The following ZFYVE1 variants were observed in gnomAD, a reference collection of about 807,000 sequenced individuals.
ZFYVE1 encodes the protein zinc finger FYVE domain-containing protein 1.
ZFYVE1 carries 30 observed loss-of-function variants against 74.4 expected under a neutral mutation model. The observed-to-expected ratio is 0.40, with a 90% CI of 0.30 to 0.55. The LOEUF (loss-of-function observed/expected upper bound fraction) is 0.55. Ranked by LOEUF, ZFYVE1 falls within the 20% of genes least tolerant of loss-of-function variation. The pLI is 0.42. For synonymous variants in ZFYVE1, 335 were observed against 385.1 expected (o/e 0.87, Z 1.52); for missense variants, 703 against 1,011.6 (o/e 0.69, Z 4.14).
intron 2 of ZFYVE1, among the ~76,000 whole-genome samples, chr14:73,012,483 G>T (rs1438717502): frequency 6.6e-6 from 1 of 152,242 alleles, no homozygotes; most frequent in South Asian, 2.1e-4. Context: ...TTAGCTGGAC[G>T]TAGTGGTGTG....
intron 11 of ZFYVE1, among the ~76,000 whole-genome samples, chr14:72,972,226 G>C (rs1893053339): frequency 1.3e-5 from 2 of 151,958 alleles, no homozygotes; most frequent in South Asian, 4.2e-4. Flanking sequence ...AAAAAAGAAA[G>C]GTTAGCTAAC....
chr14:73,007,386 A>C (rs772471549), intron 2 of ZFYVE1, among the ~76,000 whole-genome samples: 3 of 151,788 alleles, frequency 2.0e-5, no homozygotes, highest in Non-Finnish European at 4.4e-5. Flanking sequence ...ATCATACATT[A>C]CTCCAATTTT....
chr14:72,974,041 C>T (rs1458270078), intron 11 of ZFYVE1, 39 bp downstream of exon 11: 4 of 1,595,972 alleles, frequency 2.5e-6, no homozygotes, highest in East Asian at 2.2e-5. Context: ...CCCCTCAACC[C>T]GCATCCACTA....
At chr14:72,995,499 C>T (rs1207116133) in intron 3 of ZFYVE1, among the ~76,000 whole-genome samples, 1 of 758 alleles carries the variant, frequency 1.3e-3, no homozygotes, top group African/African-American at 1.7e-3. Context: ...TCCCAAAGTG[C>T]TGGACTATAG....
In ZFYVE1 at chr14:72,969,780, C is replaced by A; in HGVS notation, c.*1102G>T. The A allele has an allele frequency of 1.4e-6, 1 of 701,406 alleles. No homozygotes were observed. Among genetic ancestry groups the A allele is most frequent in the Non-Finnish European group, 2.6e-6 (1 of 384,572 alleles). 43.4% of individuals were successfully genotyped at this position (701,406 alleles called of 1,614,324 possible). Reference sequence around the variant, plus strand: ...GGCTCTTGAGGAGAAACAAAAGTTCCTTTGACTTCTCTTGCAAGGACCAAA... The same window carrying A: ...GGCTCTTGAGGAGAAACAAAAGTTCATTTGACTTCTCTTGCAAGGACCAAA... On this transcript the variant is annotated 3_prime_UTR_variant, in exon 12 of 12. Coordinates refer to ENST00000556143, the MANE Select transcript of ZFYVE1 (RefSeq NM_021260.4).
rs80244418 is a variant in ZFYVE1 at position 72,996,719 on chromosome 14, A to T, written c.988+1092T>A. Among the ~76,000 whole-genome samples, 62 of 151,850 alleles carry T rather than the reference A, an allele frequency of 4.1e-4. No homozygotes were observed. The East Asian group carries it at 8.0e-3, about 20-fold the overall frequency. ...ATAAGGTGTAGTGTCCTTGCTCTGG[A>T]CTCCCACAGCACCGTACCTGTAAGT... On this transcript the variant is annotated intron_variant, in intron 3 of 11. Transcript: ENST00000556143.
chr14:72,977,916 A>G lies in ZFYVE1; in HGVS notation c.1635+11T>C. 9 of 1,613,368 alleles carry G rather than the reference A, an allele frequency of 5.6e-6. No homozygotes were observed. Among genetic ancestry groups the G allele is most frequent in the Non-Finnish European group, 7.6e-6 (9 of 1,179,552 alleles). On this transcript the variant is annotated intron_variant, in intron 8 of 11. Coordinates refer to ENST00000556143, the MANE Select transcript of ZFYVE1 (RefSeq NM_021260.4). The stretch of plus-strand genomic sequence containing the variant: ...AGATAAAGAAAAACAGAGAAATCCA[A>G]CAGTTCTTACTCCAGGCCACACATG...
intron 5 of ZFYVE1, among the ~76,000 whole-genome samples, chr14:72,979,406 A>C (rs183052779): frequency 6.6e-6 from 1 of 152,210 alleles, no homozygotes; most frequent in Admixed American, 6.5e-5. Flanking sequence ...AGGCTGAGGC[A>C]GGAGAATCGC....
chr14:72,978,603 A>T (rs890904057), intron 6 of ZFYVE1, among the ~76,000 whole-genome samples: 1 of 147,138 alleles, frequency 6.8e-6, no homozygotes, highest in African/African-American at 2.5e-5. Flanking sequence ...AAAAGAATGA[A>T]TGTTCGATAT....
At chr14:73,023,455 T>TTA (rs1236847738) in intron 2 of ZFYVE1, among the ~76,000 whole-genome samples, 1 of 143,208 alleles carries the variant, frequency 7.0e-6, no homozygotes, top group East Asian at 2.0e-4. Context: ...TATATATGTT[T>TTA]TATATATATA....
intron 2 of ZFYVE1, among the ~76,000 whole-genome samples, chr14:73,005,736 G>A (rs2140375043): frequency 6.6e-6 from 1 of 152,290 alleles, no homozygotes; most frequent in African/African-American, 2.4e-5. Context: ...CTCGATACGT[G>A]AACCATTATT....
At chr14:73,005,107 T>C (rs1893951480) in intron 2 of ZFYVE1, among the ~76,000 whole-genome samples, 1 of 152,164 alleles carries the variant, frequency 6.6e-6, no homozygotes, top group Non-Finnish European at 1.5e-5. Context: ...GGCACAGTTC[T>C]CTGCCTTTCA....
At chr14:72,974,442 G>C (rs1168184257) in intron 10 of ZFYVE1, among the ~76,000 whole-genome samples, 1 of 152,204 alleles carries the variant, frequency 6.6e-6, no homozygotes, top group African/African-American at 2.4e-5. Flanking sequence ...AGGCAGAAAG[G>C]TTCTAGGAGC....
chr14:72,976,019 C>T (rs766180134), intron 8 of ZFYVE1: 2 of 273,702 alleles, frequency 7.3e-6, no homozygotes, highest in Non-Finnish European at 1.4e-5. Context: ...CCTCTCAGTT[C>T]TTCTAATACT....
chr14:73,005,448 C>T (rs1893958737), intron 2 of ZFYVE1, among the ~76,000 whole-genome samples: 1 of 152,158 alleles, frequency 6.6e-6, no homozygotes, highest in Non-Finnish European at 1.5e-5. Context: ...TGGTCACTGG[C>T]CTTACCAACA....
chr14:72,978,289 A>G, intron 6 of ZFYVE1, 55 bp from the exon 7 acceptor site: 4 of 1,572,252 alleles, frequency 2.5e-6, no homozygotes, highest in Non-Finnish European at 3.5e-6. Context: ...TGTTTTTTTA[A>G]TAGACACGGG....
In ZFYVE1 at chr14:73,009,789, G is replaced by A. The variant is rs562896275; in HGVS notation, c.484-11474C>T. 2.0e-5 allele frequency among the ~76,000 whole-genome samples: 3 copies of A among 152,110 alleles called. 1 individual carries two copies. In the South Asian group the frequency reaches 6.2e-4, roughly 32 times the overall value. ...ACAAAACAAAACTCTCCTTTGGGAAGGTTTCCAATAAATGCTTCATTAAGG... is the reference window on the plus strand; with the variant it reads ...ACAAAACAAAACTCTCCTTTGGGAAAGTTTCCAATAAATGCTTCATTAAGG... On this transcript the variant is annotated intron_variant, in intron 2 of 11. Coordinates refer to ENST00000556143, the MANE Select transcript of ZFYVE1 (RefSeq NM_021260.4).
At position 72,969,860 on chromosome 14, in the gene ZFYVE1, C is replaced by T; in HGVS notation, c.*1022G>A. 1 of 641,830 alleles carries T rather than the reference C, an allele frequency of 1.6e-6. No individual in the cohort carries two copies. Among genetic ancestry groups the T allele is most frequent in the Non-Finnish European group, 2.8e-6 (1 of 359,454 alleles). 39.8% of individuals were successfully genotyped at this position (641,830 alleles called of 1,614,324 possible). ...AAATATTTATATAGACTTTTAAAAA[C>T]AACTAACAGTTCATCCTGTGCTCAG... On this transcript the variant is annotated 3_prime_UTR_variant, in exon 12 of 12. Coordinates refer to ENST00000556143, the MANE Select transcript of ZFYVE1 (RefSeq NM_021260.4).
At chr14:72,990,106 T>C (rs1893572772) in intron 4 of ZFYVE1, among the ~76,000 whole-genome samples, 1 of 152,242 alleles carries the variant, frequency 6.6e-6, no homozygotes, top group South Asian at 2.1e-4. Context: ...AAGTGGCTAT[T>C]AGAGTGATAA....
Sources: allele counts gnomAD v4.1 joint callset (sites outside exome capture counted in the v4.1 genomes callset), GRCh38; gene constraint gnomAD v4.1.1; transcripts MANE v1.5; gene names NCBI Gene and HGNC (gene_info 2026-07-23, HGNC 2026-07-21).